FAM13A: variants seen among roughly 807,000 people sequenced by gnomAD.
The protein encoded by FAM13A is family with sequence similarity 13 member A, also known as protein FAM13A.
FAM13A carries 76 observed loss-of-function variants against 129.6 expected under a neutral mutation model. The ratio of observed to expected loss-of-function variants is 0.59; its 90% CI spans 0.49 to 0.71. The LOEUF is 0.71. Ranked by LOEUF, FAM13A falls within the 30% of genes least tolerant of loss-of-function variation. The pLI, the probability that FAM13A is intolerant of heterozygous loss-of-function variation, is 0.00. For synonymous variants in FAM13A, 443 were observed against 449.9 expected (o/e 0.98, Z 0.20); for missense variants, 1,108 against 1,249.3 (o/e 0.89, Z 1.70).
At chr4:88,865,369 A>G (rs1398499072) in intron 6 of FAM13A, among the ~76,000 whole-genome samples, 4 of 152,262 alleles carry the variant, frequency 2.6e-5, no homozygotes, top group Admixed American at 2.6e-4. Context: ...TCAGGAATAT[A>G]ATTTTGAAGT....
At chr4:88,978,927 T>A (rs1761280971) in intron 4 of FAM13A, among the ~76,000 whole-genome samples, 1 of 152,096 alleles carries the variant, frequency 6.6e-6, no homozygotes, top group African/African-American at 2.4e-5. Context: ...ATTTTCAAGT[T>A]TCAAAAATAA....
At chr4:88,834,205 C>T (rs1734428373) in intron 7 of FAM13A, among the ~76,000 whole-genome samples, 1 of 125,016 alleles carries the variant, frequency 8.0e-6, no homozygotes, top group Non-Finnish European at 1.6e-5. Context: ...AGCCGCCATG[C>T]CTGGCAAAAA....
At chr4:88,746,458 T>C (rs767864166) in intron 19 of FAM13A, among the ~76,000 whole-genome samples, 1 of 152,218 alleles carries the variant, frequency 6.6e-6, no homozygotes, top group African/African-American at 2.4e-5. Flanking sequence ...GGAACTTCTT[T>C]ACAAACACTA....
At chr4:88,880,857 G>T (rs920552316) in intron 6 of FAM13A, among the ~76,000 whole-genome samples, 1 of 147,388 alleles carries the variant, frequency 6.8e-6, no homozygotes, top group Non-Finnish European at 1.5e-5. Context: ...GCCTGTAACT[G>T]CTGGCTTTTC....
chr4:88,993,303 A>C (rs1240476956), intron 3 of FAM13A, among the ~76,000 whole-genome samples: 2 of 152,216 alleles, frequency 1.3e-5, no homozygotes, highest in East Asian at 1.9e-4. Flanking sequence ...CCAAGAGAAA[A>C]TGTTCTGCCT....
At chr4:88,783,338 C>T (rs890847641) in intron 10 of FAM13A, among the ~76,000 whole-genome samples, 19 of 151,822 alleles carry the variant, frequency 1.3e-4, no homozygotes, top group Non-Finnish European at 2.5e-4. Context: ...CTTGCTCTGT[C>T]GCCCAGGCTG....
intron 22 of FAM13A, 164 bp downstream of exon 22, chr4:88,731,838 A>C: frequency 1.7e-6 from 1 of 595,044 alleles, no homozygotes; most frequent in Non-Finnish European, 2.9e-6. Context: ...GGGCTGAAGC[A>C]TATAAAAAAA....
intron 6 of FAM13A, among the ~76,000 whole-genome samples, chr4:88,875,775 G>A (rs140774885): frequency 1.9e-4 from 29 of 152,282 alleles, no homozygotes; most frequent in East Asian, 1.2e-3. Flanking sequence ...ATTCGACCCC[G>A]TGATCTCATT....
intron 6 of FAM13A, among the ~76,000 whole-genome samples, chr4:88,894,938 A>G (rs1746026933): frequency 6.6e-6 from 1 of 152,224 alleles, no homozygotes; most frequent in African/African-American, 2.4e-5. Flanking sequence ...CATAGGTAAT[A>G]AAATCTAAGA....
chr4:88,902,081 C>T (rs893688359), intron 6 of FAM13A, among the ~76,000 whole-genome samples: 1 of 151,966 alleles, frequency 6.6e-6, no homozygotes, highest in Non-Finnish European at 1.5e-5. Context: ...TCTGAATAGA[C>T]CAATAATGAG....
intron 1 of FAM13A, among the ~76,000 whole-genome samples, chr4:89,041,345 C>T (rs936205594): frequency 6.6e-6 from 1 of 152,134 alleles, no homozygotes; most frequent in Non-Finnish European, 1.5e-5. Flanking sequence ...ACATGTACCT[C>T]ATAAATATGT....
chr4:88,935,396 C>T (rs1561378271), intron 5 of FAM13A, among the ~76,000 whole-genome samples: 1 of 152,142 alleles, frequency 6.6e-6, no homozygotes, highest in Non-Finnish European at 1.5e-5. Context: ...AGTCCTTTTC[C>T]CCACTTAAAA....
intron 8 of FAM13A, among the ~76,000 whole-genome samples, chr4:88,793,109 A>AC (rs1408138968): frequency 6.6e-6 from 1 of 152,020 alleles, no homozygotes; most frequent in Non-Finnish European, 1.5e-5. Flanking sequence ...TGGTTTGTGG[A>AC]AGACACTGAG....
chr4:88,942,896 A>G (rs557065854), intron 4 of FAM13A, among the ~76,000 whole-genome samples: 1 of 152,328 alleles, frequency 6.6e-6, no homozygotes, highest in African/African-American at 2.4e-5. Context: ...TTTAGTATTT[A>G]TCTGCTCTTA....
At chr4:88,866,517 C>G (rs1028790953) in intron 6 of FAM13A, among the ~76,000 whole-genome samples, 2 of 152,084 alleles carry the variant, frequency 1.3e-5, no homozygotes, top group African/African-American at 4.8e-5. Flanking sequence ...AAGGGCCAAC[C>G]TTGCACATAA....
intron 5 of FAM13A, among the ~76,000 whole-genome samples, chr4:88,912,605 C>T (rs1749269027): frequency 1.4e-5 from 2 of 147,860 alleles, no homozygotes; most frequent in Non-Finnish European, 3.0e-5. Context: ...ACACACACAC[C>T]TCCTATTGGT....
intron 3 of FAM13A, among the ~76,000 whole-genome samples, chr4:88,993,814 C>A (rs982563840): frequency 6.6e-6 from 1 of 151,998 alleles, no homozygotes; most frequent in East Asian, 1.9e-4. Context: ...GCCTGACCAA[C>A]AAGATGAAAC....
In FAM13A at chr4:88,747,509, G is replaced by A. The variant is rs112314839; in HGVS notation, c.2382+122C>T. ...CTGTTTCATCAGCTTCCCTAGACAC[G>A]TAACAGCCTGGAAGGCTTAACAAGG... is the stretch of plus-strand genomic sequence containing the variant. On this transcript the variant is annotated intron_variant, in intron 18 of 23. Coordinates refer to ENST00000264344, the MANE Select transcript of FAM13A (RefSeq NM_014883.4). 65 of 806,914 alleles carry A rather than the reference G, an allele frequency of 8.1e-5. No homozygotes were observed. The East Asian group carries it at 1.3e-3, about 16-fold the overall frequency. 50.0% of individuals were successfully genotyped at this position (806,914 alleles called of 1,614,324 possible).
chr4:88,884,960 C>G (rs2150138909), intron 6 of FAM13A, among the ~76,000 whole-genome samples: 1 of 152,258 alleles, frequency 6.6e-6, no homozygotes, highest in Non-Finnish European at 1.5e-5. Flanking sequence ...TGAAAGACCT[C>G]TACAAGGAAA....
Sources: gnomAD v4.1 joint callset for allele counts (sites outside exome capture counted in the v4.1 genomes callset) on GRCh38, gnomAD v4.1.1 for gene constraint, MANE v1.5 for transcripts, NCBI Gene and HGNC (gene_info 2026-07-23, HGNC 2026-07-21) for gene names.